The following PTPRD variants were observed in gnomAD, a reference collection of about 807,000 sequenced individuals.
PTPRD encodes receptor-type tyrosine-protein phosphatase delta.
PTPRD carries 34 observed loss-of-function variants against 214.5 expected under a neutral mutation model. The observed-to-expected ratio is 0.16, with a 90% CI of 0.12 to 0.21. The LOEUF (loss-of-function observed/expected upper bound fraction) is 0.21, where lower values mean the gene tolerates loss of function less well. PTPRD is among the 10% of genes least tolerant of loss of function. PTPRD has a pLI of 1.00. For synonymous variants in PTPRD, 1,128 were observed against 845.7 expected (o/e 1.33, Z -5.79); for missense variants, 2,545 against 2,398.7 (o/e 1.06, Z -1.27).
intron 11 of PTPRD, among the ~76,000 whole-genome samples, chr9:8,971,249 C>G (rs899393351): frequency 1.3e-5 from 2 of 151,658 alleles, no homozygotes; most frequent in African/African-American, 2.4e-5. Flanking sequence ...GAATTTATGT[C>G]TTTACTGAAT....
chr9:10,574,197 ATG>A (rs57331096), intron 2 of PTPRD, among the ~76,000 whole-genome samples: 26 of 150,176 alleles, frequency 1.7e-4, no homozygotes, highest in African/African-American at 6.4e-4. Context: ...GAAATGATAG[ATG>A]TGTGTGTGTG....
chr9:10,318,899 A>T (rs1039864010), intron 3 of PTPRD, among the ~76,000 whole-genome samples: 4 of 152,060 alleles, frequency 2.6e-5, no homozygotes, highest in African/African-American at 9.7e-5. Flanking sequence ...TAGTATGGTG[A>T]TTCTACTCAT....
chr9:9,535,601 TA>T (rs1307567793), intron 8 of PTPRD, among the ~76,000 whole-genome samples: 3 of 152,046 alleles, frequency 2.0e-5, no homozygotes, highest in African/African-American at 4.8e-5. Context: ...GTGGTGAAAA[TA>T]TTTTTTTTCT....
chr9:10,035,092 T>C (rs73390236), intron 3 of PTPRD, among the ~76,000 whole-genome samples: 4,053 of 152,286 alleles, frequency 0.027, 195 homozygotes, highest in African/African-American at 0.092. Flanking sequence ...CATTCCTTTT[T>C]CTCCACAACC....
chr9:9,740,101 A>G (rs547739263), intron 6 of PTPRD, among the ~76,000 whole-genome samples: 39 of 152,248 alleles, frequency 2.6e-4, no homozygotes, highest in African/African-American at 9.1e-4. Flanking sequence ...TGAATGCTCT[A>G]TATGTACTTA....
chr9:8,654,670 T>G (rs1399939833), intron 12 of PTPRD, among the ~76,000 whole-genome samples: 1 of 152,160 alleles, frequency 6.6e-6, no homozygotes, highest in Non-Finnish European at 1.5e-5. Flanking sequence ...GTATTTTCAA[T>G]TTTTCATAAG....
At chr9:8,557,682 G>T (rs1340496692) in intron 14 of PTPRD, among the ~76,000 whole-genome samples, 1 of 146,300 alleles carries the variant, frequency 6.8e-6, no homozygotes, top group Admixed American at 6.9e-5. Flanking sequence ...AGCGGAGGTT[G>T]CAGTGAGCCG....
chr9:9,388,851 AATGAGT>A (rs2064818364), intron 9 of PTPRD, among the ~76,000 whole-genome samples: 1 of 152,210 alleles, frequency 6.6e-6, no homozygotes, highest in Non-Finnish European at 1.5e-5. Flanking sequence ...TTTCTGAGAT[AATGAGT>A]ATAAGGGAAT....
intron 14 of PTPRD, among the ~76,000 whole-genome samples, chr9:8,536,693 G>A (rs932587761): frequency 6.6e-6 from 1 of 151,966 alleles, no homozygotes; most frequent in Non-Finnish European, 1.5e-5. Context: ...AGAATGGCGG[G>A]CCTTCTGCCA....
chr9:9,539,198 G>C (rs112457493), intron 8 of PTPRD, among the ~76,000 whole-genome samples: 1 of 151,800 alleles, frequency 6.6e-6, no homozygotes, highest in Non-Finnish European at 1.5e-5. Context: ...AAATGAAAAG[G>C]AGTCAATTAT....
intron 5 of PTPRD, among the ~76,000 whole-genome samples, chr9:9,815,785 G>C (rs971226315): frequency 6.6e-6 from 1 of 152,146 alleles, no homozygotes; most frequent in African/African-American, 2.4e-5. Flanking sequence ...TGGTCAAAGA[G>C]TCCAGACTTA....
intron 14 of PTPRD, among the ~76,000 whole-genome samples, chr9:8,563,346 C>G (rs2087268542): frequency 6.6e-6 from 1 of 151,540 alleles, no homozygotes; most frequent in Non-Finnish European, 1.5e-5. Flanking sequence ...CAGTTGATCA[C>G]ATATCAATTG....
At chr9:10,281,483 G>C (rs1013479864) in intron 3 of PTPRD, among the ~76,000 whole-genome samples, 4 of 151,770 alleles carry the variant, frequency 2.6e-5, no homozygotes, top group African/African-American at 4.9e-5. Flanking sequence ...AGTTGCTCTT[G>C]TGAAGCCAGA....
intron 5 of PTPRD, among the ~76,000 whole-genome samples, chr9:9,829,148 C>G (rs550070614): frequency 1.3e-5 from 2 of 151,722 alleles, no homozygotes; most frequent in Non-Finnish European, 2.9e-5. Context: ...AAGAATATTA[C>G]GTAGAACATT....
rs1056475159 is a variant in PTPRD, at chr9:8,315,709, C to T, written c.*2165G>A. ...AATACAATGCTTGCAAATGTTTGGT[C>T]TCTTGGATTTCACTCTGCTAGCAAT... On this transcript the variant is annotated 3_prime_UTR_variant, in exon 46 of 46. Transcript: ENST00000381196. 4 of 227,934 alleles carry T rather than the reference C, an allele frequency of 1.8e-5. No individual in the cohort carries two copies. The highest frequency in any genetic ancestry group is 8.9e-5 in the African/African-American group (4 of 44,858). 14.1% of individuals were successfully genotyped at this position (227,934 alleles called of 1,614,324 possible). A position where few individuals can be genotyped will look rare whatever the true frequency, so the allele number is the denominator to read the frequency against.
At chr9:9,417,578 T>G (rs2077365003) in intron 8 of PTPRD, among the ~76,000 whole-genome samples, 1 of 152,062 alleles carries the variant, frequency 6.6e-6, no homozygotes, top group Non-Finnish European at 1.5e-5. Flanking sequence ...ACTCAGGGTC[T>G]TAAAAAAATT....
intron 11 of PTPRD, among the ~76,000 whole-genome samples, chr9:8,745,839 C>G (rs1335840975): frequency 6.6e-6 from 1 of 151,386 alleles, no homozygotes; most frequent in Non-Finnish European, 1.5e-5. Context: ...GTTCTGTCGC[C>G]CAGGCTGGAG....
intron 9 of PTPRD, among the ~76,000 whole-genome samples, chr9:9,320,608 T>A (rs1474296289): frequency 1.4e-4 from 22 of 152,232 alleles, no homozygotes; most frequent in Admixed American, 1.4e-3. Flanking sequence ...TCGTCTACTA[T>A]CCTCCTGATC....
At chr9:8,376,579 AG>A (rs776443073) in intron 38 of PTPRD, 27 bp downstream of exon 38, 4 of 1,611,978 alleles carry the variant, frequency 2.5e-6, no homozygotes, top group Non-Finnish European at 3.4e-6. Context: ...GAGAAGGGAA[AG>A]GGAGGAGAAA....
Sources: gnomAD v4.1 joint callset for allele counts (sites outside exome capture counted in the v4.1 genomes callset) on GRCh38, gnomAD v4.1.1 for gene constraint, MANE v1.5 for transcripts, NCBI Gene and HGNC (gene_info 2026-07-23, HGNC 2026-07-21) for gene names.